Variants in JAKMIP3 observed in about 807,000 individuals in gnomAD.
JAKMIP3 encodes janus kinase and microtubule-interacting protein 3.
JAKMIP3 carries 58 observed loss-of-function variants against 118.5 expected under a neutral mutation model. That is an observed-to-expected ratio of 0.49 (90% CI 0.40 to 0.61). JAKMIP3 has a LOEUF of 0.61. Among genes scored for constraint, JAKMIP3 ranks in the 20% least tolerant of loss-of-function variants. The pLI is 0.00. For synonymous variants in JAKMIP3, 486 were observed against 451.2 expected, an observed-to-expected ratio of 1.08 and a Z score of -0.98; for missense variants, 950 against 1,109.0, an observed-to-expected ratio of 0.86 and a Z score of 2.04.
At chr10:132,054,880 G>A (rs1409638101) in intron 1 of JAKMIP3, among the ~76,000 whole-genome samples, 10 of 151,934 alleles carry the variant, frequency 6.6e-5, no homozygotes, top group East Asian at 1.9e-4. Context: ...CTCCTACACC[G>A]AGGACCCTCC....
At chr10:132,139,627 C>T (rs565183971) in intron 9 of JAKMIP3, among the ~76,000 whole-genome samples, 1 of 152,296 alleles carries the variant, frequency 6.6e-6, no homozygotes, top group African/African-American at 2.4e-5. Flanking sequence ...AGGAGCTGTC[C>T]AGGCTCTCCC....
intron 2 of JAKMIP3, among the ~76,000 whole-genome samples, chr10:132,106,005 G>A (rs9419200): frequency 0.22 from 34,055 of 151,982 alleles, 4,319 homozygotes; most frequent in African/African-American, 0.35. Flanking sequence ...AGAATGTTTC[G>A]TGACACGTGA....
In JAKMIP3 at chr10:132,117,056, A is replaced by C; in HGVS notation, c.136-21A>C. 3 of 1,586,810 alleles carry C rather than the reference A, an allele frequency of 1.9e-6. No individual in the cohort carries two copies. The highest frequency in any genetic ancestry group is 2.6e-6 in the Non-Finnish European group (3 of 1,162,728). The stretch of plus-strand genomic sequence containing the variant: ...CATGGCTGGAGCTCCTGCCACACTC[A>C]GTCTCGCTGTTGTCTTTCAGGTCAG... On this transcript the variant is annotated intron_variant, in intron 2 of 23. Transcript: ENST00000684848. This position sits in a 1 kb window ranked among gnomAD's most constrained non-coding sequence, Gnocchi z 8.6.
intron 23 of JAKMIP3, among the ~76,000 whole-genome samples, chr10:132,180,897 GT>G (rs2061358181): frequency 6.6e-6 from 1 of 152,084 alleles, no homozygotes; most frequent in Non-Finnish European, 1.5e-5. Flanking sequence ...ATGTGTATGT[GT>G]TGTGCATTGC....
At chr10:132,161,852 C>T (rs1224469880) in intron 19 of JAKMIP3, among the ~76,000 whole-genome samples, 2 of 91,138 alleles carry the variant, frequency 2.2e-5, no homozygotes, top group Non-Finnish European at 4.7e-5. Flanking sequence ...GGGGTCTTTT[C>T]TTGGGTGATG....
Position 132,137,027 on chromosome 10 carries a change from A to G in JAKMIP3, c.1125A>G (p.Arg375=). ...VTQENIEMRQ[R]AGIIRRPSSL... Reference sequence around the variant, plus strand: ...GCTGCTTGGCGTTTCAGAGACAGAGAGCTGGAATCATACGGAGACCCAGTT... The same window carrying G: ...GCTGCTTGGCGTTTCAGAGACAGAGGGCTGGAATCATACGGAGACCCAGTT... Residue 375 remains arginine (R), a synonymous_variant, in exon 7 of 24, where the codon AGA becomes AGG. Coordinates refer to ENST00000684848, the MANE Select transcript of JAKMIP3 (RefSeq NM_001323087.2). 1 of 1,613,648 alleles carries G rather than the reference A, an allele frequency of 6.2e-7. No homozygotes were observed. Among genetic ancestry groups the G allele is most frequent in the Non-Finnish European group, 8.5e-7 (1 of 1,179,712 alleles).
In JAKMIP3 at chr10:132,180,774, T is replaced by TGCGTGCGTGTGTGCGTGTGTGCGTGC. The variant is rs1490377192; in HGVS notation, c.*1104-1582_*1104-1581insCGTGCGTGTGTGCGTGTGTGCGTGCG. Among the ~76,000 whole-genome samples, 9 of 65,848 alleles carry TGCGTGCGTGTGTGCGTGTGTGCGTGC rather than the reference T, an allele frequency of 1.4e-4. 2 individuals carry two copies. The highest frequency in any genetic ancestry group is 5.6e-4 in the African/African-American group (9 of 15,978). The allele number at this position is 65,848 out of a possible 152,430, so 43.2% of individuals were successfully genotyped here. On this transcript the variant is annotated intron_variant, in intron 23 of 23. Coordinates refer to ENST00000684848, the MANE Select transcript of JAKMIP3 (RefSeq NM_001323087.2). The stretch of plus-strand genomic sequence containing the variant: ...GCGCGTGTGTGCGTGTGTGTGCGTG[T>TGCGTGCGTGTGTGCGTGTGTGCGTGC]GTGTGTGTGCGCGTATGCATGTGCT...
At chr10:132,147,866 CT>C in intron 13 of JAKMIP3, 85 bp from the exon 14 acceptor site, 1 of 957,636 alleles carries the variant, frequency 1.0e-6, no homozygotes, top group South Asian at 1.6e-5. Context: ...CAGCCAGCAG[CT>C]GTCCCGTCAG....
intron 2 of JAKMIP3, among the ~76,000 whole-genome samples, chr10:132,114,559 G>A (rs1051249008): frequency 6.6e-6 from 1 of 152,198 alleles, no homozygotes; most frequent in Non-Finnish European, 1.5e-5. Flanking sequence ...CCCTGAGACA[G>A]TCTGTTTTGG....
intron 20 of JAKMIP3, 46 bp from the exon 21 acceptor site, chr10:132,164,624 C>T (rs758799748): frequency 7.8e-7 from 1 of 1,284,680 alleles, no homozygotes; most frequent in Non-Finnish European, 1.1e-6. Flanking sequence ...TTTGGGTTTC[C>T]CGAGTACTGT....
At chr10:132,103,457 G>C (rs1426959314) in intron 1 of JAKMIP3, among the ~76,000 whole-genome samples, 7 of 49,632 alleles carry the variant, frequency 1.4e-4, no homozygotes, top group Non-Finnish European at 2.9e-4. Context: ...GAGCAGCTGG[G>C]GGGGGGAGGA....
chr10:132,126,302 CTT>C (rs780754000), intron 3 of JAKMIP3, among the ~76,000 whole-genome samples: 28 of 139,922 alleles, frequency 2.0e-4, no homozygotes, highest in African/African-American at 4.2e-4. Flanking sequence ...TTTGGCAATA[CTT>C]TTTTTTTTTT....
intron 23 of JAKMIP3, among the ~76,000 whole-genome samples, chr10:132,170,984 G>T (rs1306023036): frequency 6.6e-6 from 1 of 152,256 alleles, no homozygotes; most frequent in African/African-American, 2.4e-5. Context: ...CTCGTGGAGG[G>T]CTGTCACCCA....
intron 11 of JAKMIP3, among the ~76,000 whole-genome samples, chr10:132,143,227 C>G (rs1008544950): frequency 2.0e-5 from 3 of 151,872 alleles, no homozygotes; most frequent in African/African-American, 7.3e-5. Flanking sequence ...CTTTAAATAT[C>G]GCCTCTTTCA....
chr10:132,117,590 GGGGCGGGC>G lies in JAKMIP3; in HGVS notation c.633+18_633+25del. On this transcript the variant is annotated intron_variant, in intron 3 of 23. Transcript: ENST00000684848. This position sits in a 1 kb window ranked among gnomAD's most constrained non-coding sequence, Gnocchi z 8.6. ...CCGCAGGCTGGTACGTGGGCAGGCAGGGGCGGGCGTGGGCGAGGGTGCAGGGGCGGGCG... is the reference window on the plus strand; with the variant it reads ...CCGCAGGCTGGTACGTGGGCAGGCAGGTGGGCGAGGGTGCAGGGGCGGGCG... 1.1e-6 allele frequency: 1 copy of G among 910,124 alleles called. No homozygotes were observed. Among genetic ancestry groups the G allele is most frequent in the East Asian group, 6.0e-5 (1 of 16,704 alleles). 56.4% of individuals were successfully genotyped at this position (910,124 alleles called of 1,614,324 possible). A position where few individuals can be genotyped will look rare whatever the true frequency, so the allele number is the denominator to read the frequency against.
At chr10:132,058,727 GTCT>G (rs1796179864) in intron 1 of JAKMIP3, among the ~76,000 whole-genome samples, 1 of 152,262 alleles carries the variant, frequency 6.6e-6, no homozygotes, top group Non-Finnish European at 1.5e-5. Flanking sequence ...ATCACAGGTT[GTCT>G]TGATGGGTGC....
At position 132,049,190 on chromosome 10, in the gene JAKMIP3, G is replaced by A. The variant is rs956464322; in HGVS notation, c.-138+12452G>A. ...TGGTGGTCTGGGTTGATTTTCTAGCGGCTGGCGAGCTCTTTGCACCGTGGA... is the reference window on the plus strand; with the variant it reads ...TGGTGGTCTGGGTTGATTTTCTAGCAGCTGGCGAGCTCTTTGCACCGTGGA... On this transcript the variant is annotated intron_variant, in intron 1 of 23. Transcript: ENST00000657785. The surrounding 1 kb of genome is among the most constrained non-coding windows in gnomAD (Gnocchi z 4.3). Among the ~76,000 whole-genome samples, 3 of 152,018 alleles carry A rather than the reference G, an allele frequency of 2.0e-5. No individual in the cohort carries two copies. The highest frequency in any genetic ancestry group is 1.9e-4 in the East Asian group (1 of 5,176).
chr10:132,181,669 TA>T (rs2061495785), intron 23 of JAKMIP3: 1 of 152,284 alleles, frequency 6.6e-6, no homozygotes, highest in African/African-American at 2.4e-5. Context: ...TGACTACATT[TA>T]TTTTTCATTC....
At chr10:132,062,096 C>A (rs117055497), upstream of JAKMIP3, among the ~76,000 whole-genome samples, 1 of 151,670 alleles carries the variant, frequency 6.6e-6, no homozygotes, top group Non-Finnish European at 1.5e-5. Flanking sequence ...ATGATGAGCA[C>A]GCCACAGAGA....
Sources: allele counts gnomAD v4.1 joint callset (sites outside exome capture counted in the v4.1 genomes callset), GRCh38; gene constraint gnomAD v4.1.1; non-coding constraint Gnocchi (gnomAD v3.1); transcripts MANE v1.5; gene names NCBI Gene and HGNC (gene_info 2026-07-23, HGNC 2026-07-21).